Variants in PCDHGA5 observed in about 807,000 individuals in gnomAD.
The protein encoded by PCDHGA5 is protocadherin gamma subfamily A, 5, also known as protocadherin gamma-A5.
PCDHGA5 carries 36 observed loss-of-function variants against 56.7 expected under a neutral mutation model. That is an observed-to-expected ratio of 0.64 (90% CI 0.49 to 0.84). The LOEUF is 0.84. Among genes scored for constraint, PCDHGA5 ranks in the 40% least tolerant of loss-of-function variants. The probability of loss-of-function intolerance (pLI) is 0.00; values close to 1 mark genes in which losing one functional copy is unlikely to be tolerated. For missense variants in PCDHGA5, 1,305 were observed against 1,201.5 expected (o/e 1.09, Z -1.27); for synonymous variants, 563 against 520.2 (o/e 1.08, Z -1.12).
chr5:141,508,790 C>T (rs1181979966), intron 3 of PCDHGA5, among the ~76,000 whole-genome samples: 1 of 152,072 alleles, frequency 6.6e-6, no homozygotes, highest in African/African-American at 2.4e-5. Flanking sequence ...CCCTAAATCA[C>T]TCTGGAATCC....
chr5:141,385,513 A>C (rs1781236036), intron 1 of PCDHGA5: 1 of 1,373,372 alleles, frequency 7.3e-7, no homozygotes, highest in Non-Finnish European at 9.4e-7. Flanking sequence ...CTTTAGTGAA[A>C]GCCTATGGAC....
Position 141,485,785 on chromosome 5 carries a change from G to C in PCDHGA5, c.2422-9022G>C. ...TGGAGAAGCCTTTGGATCGAGAGAAGCAATCGGACTACCGCCTGGTGCTGA... is the reference window on the plus strand; with the variant it reads ...TGGAGAAGCCTTTGGATCGAGAGAACCAATCGGACTACCGCCTGGTGCTGA... On this transcript the variant is annotated intron_variant, in intron 1 of 3. Coordinates refer to ENST00000518069, the MANE Select transcript of PCDHGA5 (RefSeq NM_018918.3). The surrounding 1 kb of genome is among the most constrained non-coding windows in gnomAD (Gnocchi z 5.7). The C allele has an allele frequency of 1.2e-6, 2 of 1,614,214 alleles. No individual in the cohort carries two copies. The highest frequency in any genetic ancestry group is 1.7e-6 in the Non-Finnish European group (2 of 1,180,030).
chr5:141,406,976 A>G (rs773444464), intron 1 of PCDHGA5, among the ~76,000 whole-genome samples: 12 of 152,244 alleles, frequency 7.9e-5, no homozygotes, highest in Non-Finnish European at 1.8e-4. Flanking sequence ...AGTAAATAAC[A>G]TTTCACAAGA....
intron 1 of PCDHGA5, chr5:141,382,984 G>A: frequency 6.2e-7 from 1 of 1,613,132 alleles, no homozygotes; most frequent in Non-Finnish European, 8.5e-7. Context: ...AGCCTGGGCA[G>A]GACGTATTCT....
rs373728953 is a variant in PCDHGA5 at position 141,491,753 on chromosome 5, C to A, written c.2422-3054C>A. The A allele has an allele frequency of 6.3e-7, 1 of 1,585,146 alleles. No homozygotes were observed. The highest frequency in any genetic ancestry group is 8.6e-7 in the Non-Finnish European group (1 of 1,166,912). On this transcript the variant is annotated intron_variant, in intron 1 of 3. Transcript: ENST00000518069. This position sits in a 1 kb window ranked among gnomAD's most constrained non-coding sequence, Gnocchi z 6.9. The stretch of plus-strand genomic sequence containing the variant: ...ACCCCTGGGGGCGGCACTGGAGAAG[C>A]CGCCCGTCCTCATAAGGGATTGAAC...
chr5:141,423,720 A>G, intron 1 of PCDHGA5: 1 of 957,774 alleles, frequency 1.0e-6, no homozygotes, highest in East Asian at 6.0e-5. Flanking sequence ...TTTTAAGGAG[A>G]TGTTTTTTGA....
Position 141,476,570 on chromosome 5 carries a change from A to G in PCDHGA5, c.2422-18237A>G. ...GATTAGCGAGGCCGTGGCTCCGGGG[A>G]CGCGCTTTCCGCTCGAGAGCGCGCA... On this transcript the variant is annotated intron_variant, in intron 1 of 3. Transcript: ENST00000518069. The surrounding 1 kb of genome is among the most constrained non-coding windows in gnomAD (Gnocchi z 7.6). 3 of 1,614,114 alleles carry G rather than the reference A, an allele frequency of 1.9e-6. No individual in the cohort carries two copies. The highest frequency in any genetic ancestry group is 2.5e-6 in the Non-Finnish European group (3 of 1,180,012).
chr5:141,394,080 A>G (rs766939528), intron 1 of PCDHGA5: 2 of 1,613,920 alleles, frequency 1.2e-6, no homozygotes, highest in Non-Finnish European at 1.7e-6. Flanking sequence ...TATCACAGTG[A>G]TGGCCTCAGA....
Position 141,366,292 on chromosome 5 carries a change from G to A in PCDHGA5, c.1962G>A (p.Leu654=), listed in dbSNP as rs1449441048. The A allele has an allele frequency of 1.9e-6, 3 of 1,613,732 alleles. No individual in the cohort carries two copies. Among genetic ancestry groups the A allele is most frequent in the East Asian group, 4.5e-5 (2 of 44,880 alleles). The change falls in exon 1 of 4, where the codon CTG becomes CTA. Residue 654 remains leucine (L), a synonymous_variant. Transcript: ENST00000518069. The part of the protein sequence containing the change: ...VAVEDHGQPP[L]SATFTVTVAV... ...TCGAAGACCATGGCCAGCCCCCTCT[G>A]TCAGCCACCTTCACGGTCACCGTTG...
Position 141,400,678 on chromosome 5 carries a change from T to A in PCDHGA5, c.2421+33927T>A. ...ACCATTCTTTAAGAGGAGCAGTAAA[T>A]TGTGAGTTTTTATGTCGCATAAAAG... On this transcript the variant is annotated intron_variant, in intron 1 of 3. Coordinates refer to ENST00000518069, the MANE Select transcript of PCDHGA5 (RefSeq NM_018918.3). 4.5e-6 allele frequency: 4 copies of A among 882,002 alleles called. No homozygotes were observed. In the South Asian group the frequency reaches 6.9e-5, roughly 15 times the overall value. The allele number at this position is 882,002 out of a possible 1,614,324, so 54.6% of individuals were successfully genotyped here.
chr5:141,376,761 A>G (rs1179580742), intron 1 of PCDHGA5: 1 of 431,306 alleles, frequency 2.3e-6, no homozygotes, highest in African/African-American at 2.3e-5. Flanking sequence ...ATCTCGGCTC[A>G]CTGCAAGCTC....
chr5:141,388,657 G>C (rs769160604), intron 1 of PCDHGA5: 2 of 1,613,878 alleles, frequency 1.2e-6, no homozygotes, highest in African/African-American at 1.3e-5. Flanking sequence ...GTGTACCCGG[G>C]GACCACGGTG....
chr5:141,399,559 G>T (rs1589373313), intron 1 of PCDHGA5: 1 of 1,614,038 alleles, frequency 6.2e-7, no homozygotes, highest in African/African-American at 1.3e-5. Context: ...CCTGGACTTG[G>T]GGTTGAACGG....
chr5:141,472,980 CA>C (rs60579131), intron 1 of PCDHGA5, among the ~76,000 whole-genome samples: 39,687 of 85,940 alleles, frequency 0.46, 5,633 homozygotes, highest in African/African-American at 0.56. Flanking sequence ...GAGTGAAACT[CA>C]AAAAAAAAAA....
chr5:141,508,045 T>A (rs985875804), intron 3 of PCDHGA5: 1 of 152,264 alleles, frequency 6.6e-6, no homozygotes, highest in Non-Finnish European at 1.5e-5. Flanking sequence ...GCCAGCTGTG[T>A]TCCAGCTAAT....
intron 1 of PCDHGA5, chr5:141,423,760 G>GGT: frequency 7.2e-6 from 2 of 279,662 alleles, no homozygotes; most frequent in Non-Finnish European, 1.1e-5. Context: ...TGGGGGGGGG[G>GGT]TGGGGCGGCA....
chr5:141,443,848 G>A lies in PCDHGA5; in HGVS notation c.2422-50959G>A, dbSNP rs528933391. 2.6e-5 allele frequency among the ~76,000 whole-genome samples: 4 copies of A among 152,272 alleles called. No individual in the cohort carries two copies. The South Asian group carries it at 8.3e-4, about 32-fold the overall frequency. ...TTAGGTAAAATGGGTAATATGGAAA[G>A]TCTGAAAACTGAAAAAATTACTGAT... On this transcript the variant is annotated intron_variant, in intron 1 of 3. Transcript: ENST00000518069.
intron 1 of PCDHGA5, among the ~76,000 whole-genome samples, chr5:141,459,109 C>A (rs1213203625): frequency 6.6e-6 from 1 of 152,174 alleles, no homozygotes; most frequent in Non-Finnish European, 1.5e-5. Context: ...TGCATTTTGA[C>A]AATTGTTTAC....
intron 1 of PCDHGA5, chr5:141,399,180 G>T (rs1454578078): frequency 3.7e-6 from 6 of 1,613,798 alleles, no homozygotes; most frequent in Admixed American, 1.7e-5. Flanking sequence ...TACTTGAAAT[G>T]ATTCTGGAAA....
Sources: allele counts gnomAD v4.1 joint callset (sites outside exome capture counted in the v4.1 genomes callset), GRCh38; gene constraint gnomAD v4.1.1; non-coding constraint Gnocchi (gnomAD v3.1); transcripts MANE v1.5; gene names NCBI Gene and HGNC (gene_info 2026-07-23, HGNC 2026-07-21).